The following FAM78B variants were observed in gnomAD, a reference collection of about 807,000 sequenced individuals.
The protein encoded by FAM78B is protein FAM78B.
In FAM78B, 10 loss-of-function variants were observed where a neutral mutation model predicts 20.0. The observed-to-expected ratio is 0.50, with a 90% CI of 0.31 to 0.85. The LOEUF is 0.85. Ranked by LOEUF, FAM78B falls within the 40% of genes least tolerant of loss-of-function variation. FAM78B has a pLI of 0.05. For synonymous variants in FAM78B, 135 were observed against 132.8 expected, an observed-to-expected ratio of 1.02 and a Z score of -0.12; for missense variants, 283 against 345.0, an observed-to-expected ratio of 0.82 and a Z score of 1.42.
At chr1:166,075,427 G>A (rs1288424098) in intron 1 of FAM78B, among the ~76,000 whole-genome samples, 2 of 152,222 alleles carry the variant, frequency 1.3e-5, no homozygotes, top group East Asian at 3.8e-4. Flanking sequence ...GGCTGATTGT[G>A]TGTGTGTGTG....
At chr1:166,152,125 C>T (rs979510279) in intron 1 of FAM78B, among the ~76,000 whole-genome samples, 4 of 152,158 alleles carry the variant, frequency 2.6e-5, no homozygotes, top group Admixed American at 1.3e-4. Flanking sequence ...GGATGTCCAC[C>T]GAGGCTATAA....
At chr1:166,126,626 G>T (rs367699295) in intron 1 of FAM78B, among the ~76,000 whole-genome samples, 1 of 152,116 alleles carries the variant, frequency 6.6e-6, no homozygotes. Flanking sequence ...AAGAGGGCAC[G>T]TGAGGCTGGG....
chr1:166,093,881 C>T (rs998490224), intron 1 of FAM78B, among the ~76,000 whole-genome samples: 2 of 151,178 alleles, frequency 1.3e-5, no homozygotes, highest in Admixed American at 6.6e-5. Context: ...TAGGATGATA[C>T]AGAATAGGGC....
At chr1:166,093,783 C>T (rs1208015016) in intron 1 of FAM78B, among the ~76,000 whole-genome samples, 1 of 150,732 alleles carries the variant, frequency 6.6e-6, no homozygotes, top group East Asian at 1.9e-4. Flanking sequence ...CAATAAAATT[C>T]GCAGTTGTAG....
At chr1:166,065,111 T>G (rs1651750612), downstream of FAM78B, among the ~76,000 whole-genome samples, 1 of 152,160 alleles carries the variant, frequency 6.6e-6, no homozygotes, top group Non-Finnish European at 1.5e-5. Flanking sequence ...CAGAGATCAA[T>G]TAGGGCACTC....
intron 1 of FAM78B, among the ~76,000 whole-genome samples, chr1:166,077,004 G>A (rs1652300297): frequency 6.6e-6 from 1 of 152,062 alleles, no homozygotes; most frequent in Non-Finnish European, 1.5e-5. Flanking sequence ...GGAATAGCCA[G>A]CAAAAAAGGA....
At chr1:166,093,769 A>C (rs1023128011) in intron 1 of FAM78B, among the ~76,000 whole-genome samples, 36 of 151,946 alleles carry the variant, frequency 2.4e-4, no homozygotes, top group African/African-American at 7.3e-4. Flanking sequence ...TTTTTTAAAG[A>C]AAGCAATAAA....
chr1:166,095,158 A>G (rs759267669), intron 1 of FAM78B, among the ~76,000 whole-genome samples: 3 of 152,134 alleles, frequency 2.0e-5, no homozygotes, highest in Admixed American at 2.0e-4. Context: ...CCCTGCCCTC[A>G]GAGGCTTGGA....
At chr1:166,073,279 T>C (rs1361620672) in intron 1 of FAM78B, among the ~76,000 whole-genome samples, 1 of 152,200 alleles carries the variant, frequency 6.6e-6, no homozygotes, top group African/African-American at 2.4e-5. Context: ...TCTGCAACTG[T>C]GCTTTTGGGA....
chr1:166,118,611 G>A (rs1654349221), intron 1 of FAM78B, among the ~76,000 whole-genome samples: 1 of 152,060 alleles, frequency 6.6e-6, no homozygotes, highest in Non-Finnish European at 1.5e-5. Context: ...CTCTTTGACT[G>A]TTTTCAGGCT....
At chr1:166,078,178 T>A (rs1652413013) in intron 1 of FAM78B, among the ~76,000 whole-genome samples, 1 of 151,668 alleles carries the variant, frequency 6.6e-6, no homozygotes, top group Admixed American at 6.6e-5. Flanking sequence ...ACTACAGGCA[T>A]GTGCCACCAC....
chr1:166,130,791 C>A (rs979265665), intron 1 of FAM78B, among the ~76,000 whole-genome samples: 1 of 152,128 alleles, frequency 6.6e-6, no homozygotes, highest in African/African-American at 2.4e-5. Context: ...GCCTAAGCCC[C>A]GGTTCCCTGA....
At chr1:166,105,405 A>G (rs369701619) in intron 1 of FAM78B, among the ~76,000 whole-genome samples, 4,011 of 152,128 alleles carry the variant, frequency 0.026, 245 homozygotes, top group Admixed American at 0.14. Context: ...AACTACCATC[A>G]GAGTGAACAG....
chr1:166,139,252 C>G (rs1655186531), intron 1 of FAM78B, among the ~76,000 whole-genome samples: 1 of 152,134 alleles, frequency 6.6e-6, no homozygotes, highest in Non-Finnish European at 1.5e-5. Context: ...AAACAAATCC[C>G]AGACCAATAC....
rs1328251764 is a variant in FAM78B, at chr1:166,077,911, AT to A, written c.264-7149del. On this transcript the variant is annotated intron_variant, in intron 1 of 1. Coordinates refer to ENST00000354422, the MANE Select transcript of FAM78B (RefSeq NM_001017961.5). Reference sequence around the variant, plus strand: ...TAAATATATATAATTTATATATATAATTATATATATAATAAATATATAATAA... The same window carrying A: ...TAAATATATATAATTTATATATATAATATATATATAATAAATATATAATAA... Among the ~76,000 whole-genome samples the A allele has an allele frequency of 1.7e-3, 3 of 1,730 alleles. 1 individual carries two copies. Among genetic ancestry groups the A allele is most frequent in the African/African-American group, 3.7e-3 (3 of 802 alleles). The allele number at this position is 1,730 out of a possible 152,430, so 1.1% of individuals were successfully genotyped here.
chr1:166,064,064 G>T (rs912730701), intron 2 of FAM78B, among the ~76,000 whole-genome samples: 1 of 152,170 alleles, frequency 6.6e-6, no homozygotes, highest in Non-Finnish European at 1.5e-5. Flanking sequence ...TGGGGACAGG[G>T]AGCCCTTGGG....
downstream of FAM78B, among the ~76,000 whole-genome samples, chr1:166,056,302 T>TATGA (rs59841297): frequency 9.0e-4 from 136 of 151,350 alleles, no homozygotes; most frequent in Middle Eastern, 3.4e-3. Context: ...AGAGAGAGAA[T>TATGA]ATGAATGAAT....
In FAM78B at chr1:166,069,384, A is replaced by T. The variant is rs1645754702; in HGVS notation, c.*857T>A. ...CTCATAACTTTTTAAATATAAATTTAGGGCTAATCATGGGAACAGAATAAG... is the reference window on the plus strand; with the variant it reads ...CTCATAACTTTTTAAATATAAATTTTGGGCTAATCATGGGAACAGAATAAG... On this transcript the variant is annotated 3_prime_UTR_variant, in exon 2 of 2. Transcript: ENST00000354422. The T allele has an allele frequency of 6.6e-6, 1 of 152,234 alleles. No homozygotes were observed. Among genetic ancestry groups the T allele is most frequent in the Admixed American group, 6.5e-5 (1 of 15,288 alleles). 9.4% of individuals were successfully genotyped at this position (152,234 alleles called of 1,614,324 possible).
At chr1:166,078,468 G>A (rs1255508838) in intron 1 of FAM78B, among the ~76,000 whole-genome samples, 1 of 152,142 alleles carries the variant, frequency 6.6e-6, no homozygotes, top group Non-Finnish European at 1.5e-5. Flanking sequence ...GCCTAATAAT[G>A]AAAACATTGA....
Sources: gnomAD v4.1 joint callset for allele counts (sites outside exome capture counted in the v4.1 genomes callset) on GRCh38, gnomAD v4.1.1 for gene constraint, MANE v1.5 for transcripts, NCBI Gene and HGNC (gene_info 2026-07-23, HGNC 2026-07-21) for gene names.